BSND: variants seen among roughly 807,000 people sequenced by gnomAD.
BSND encodes barttin.
BSND carries 13 observed loss-of-function variants against 18.8 expected under a neutral mutation model. The observed-to-expected ratio is 0.69, with a 90% confidence interval of 0.45 to 1.10. The LOEUF is 1.10. Ranked by LOEUF, BSND falls within the 50% of genes least tolerant of loss-of-function variation. The pLI, the probability that BSND is intolerant of heterozygous loss-of-function variation, is 0.00. For synonymous variants in BSND, 170 were observed against 161.8 expected (o/e 1.05, Z -0.39); for missense variants, 379 against 416.7 (o/e 0.91, Z 0.79).
chr1:55,007,284 GA>G lies in BSND; in HGVS notation c.548+13del. The G allele has an allele frequency of 6.3e-7, 1 of 1,588,406 alleles. No individual in the cohort carries two copies. Among genetic ancestry groups the G allele is most frequent in the South Asian group, 1.1e-5 (1 of 87,460 alleles). ...CAGAGCTGGCCCGGGTGAGTGCTTA[GA>G]GGGCAGGAGTGGGGCTTCTGCCCAG... On this transcript the variant is annotated intron_variant, in intron 3 of 3. Transcript: ENST00000651561.
intron 1 of BSND, among the ~76,000 whole-genome samples, chr1:54,999,620 G>A (rs1644351500): frequency 6.6e-6 from 1 of 152,182 alleles, no homozygotes; most frequent in South Asian, 2.1e-4. Flanking sequence ...GGAAGCTATG[G>A]TATAGACACA....
chr1:55,010,653 C>A lies in BSND; in HGVS notation c.*2025C>A, dbSNP rs1644417915. 6.6e-6 allele frequency: 1 copy of A among 152,292 alleles called. No homozygotes were observed. Among genetic ancestry groups the A allele is most frequent in the Non-Finnish European group, 1.5e-5 (1 of 68,128 alleles). The allele number at this position is 152,292 out of a possible 1,614,324, so 9.4% of individuals were successfully genotyped here. A position where few individuals can be genotyped will look rare whatever the true frequency, so the allele number is the denominator to read the frequency against. ...ACAAGGTCATGGCCCTGGGAACACACTTCCTTTTCTTTCTGGGTCATTTCT... is the reference window on the plus strand; with the variant it reads ...ACAAGGTCATGGCCCTGGGAACACAATTCCTTTTCTTTCTGGGTCATTTCT... On this transcript the variant is annotated 3_prime_UTR_variant, in exon 4 of 4. Coordinates refer to ENST00000651561, the MANE Select transcript of BSND (RefSeq NM_057176.3).
intron 3 of BSND, among the ~76,000 whole-genome samples, chr1:55,007,605 G>A (rs1232750986): frequency 6.6e-6 from 1 of 152,174 alleles, no homozygotes; most frequent in Non-Finnish European, 1.5e-5. Context: ...GCATACAGTA[G>A]GCCCTTGATG....
rs1644429728 is a variant in BSND at position 55,012,920 on chromosome 1, T to C, written c.*4292T>C. Among the ~76,000 whole-genome samples, 1 of 152,174 alleles carries C rather than the reference T, an allele frequency of 6.6e-6. No homozygotes were observed. The highest frequency in any genetic ancestry group is 1.5e-5 in the Non-Finnish European group (1 of 68,052). On this transcript the variant is annotated 3_prime_UTR_variant, in exon 4 of 4. Transcript: ENST00000651561. ...AACAGGGTTCCAGGCAGCTGCTGAG[T>C]GTCAGGTGCTTCCCATAAATCATTT...
chr1:55,007,302 T>C (rs763459351), intron 3 of BSND, 30 bp downstream of exon 3: 3 of 1,492,846 alleles, frequency 2.0e-6, no homozygotes, highest in East Asian at 5.6e-5. Context: ...GAGTGGGGCT[T>C]CTGCCCAGTT....
chr1:54,999,424 T>A lies in BSND; in HGVS notation c.177+61T>A, dbSNP rs1644350424. The A allele has an allele frequency of 2.0e-6, 3 of 1,522,760 alleles. No individual in the cohort carries two copies. In the Admixed American group the frequency reaches 5.6e-5, roughly 29 times the overall value. The allele number at this position is 1,522,760 out of a possible 1,614,324, so 94.3% of individuals were successfully genotyped here. ...CTGGGGCCAGGAGGGCTGGACACTG[T>A]GCCTGTATGCCATGCCTCACCCCCT... is the stretch of plus-strand genomic sequence containing the variant. On this transcript the variant is annotated intron_variant, in intron 1 of 3. Coordinates refer to ENST00000651561, the MANE Select transcript of BSND (RefSeq NM_057176.3).
At chr1:55,008,066 C>G (rs1370243457) in intron 3 of BSND, 148 bp from the exon 4 acceptor site, 2 of 684,890 alleles carry the variant, frequency 2.9e-6, no homozygotes, top group Non-Finnish European at 2.5e-6. Context: ...TAAGAAAGAA[C>G]TGCAGGAGTG....
chr1:55,000,744 CTG>C (rs1644357570), intron 1 of BSND, among the ~76,000 whole-genome samples: 1 of 152,244 alleles, frequency 6.6e-6, no homozygotes, highest in Non-Finnish European at 1.5e-5. Flanking sequence ...TTGCCTCTGT[CTG>C]TGCAATTCCT....
intron 1 of BSND, among the ~76,000 whole-genome samples, chr1:55,003,051 A>G (rs1437998654): frequency 1.4e-4 from 1 of 6,914 alleles, no homozygotes; most frequent in Non-Finnish European, 3.0e-4. Context: ...AGTGATGATG[A>G]TGGTGACGGT....
chr1:55,008,680 G>T lies in BSND; in HGVS notation c.*52G>T, dbSNP rs2100210081. On this transcript the variant is annotated 3_prime_UTR_variant, in exon 4 of 4. Coordinates refer to ENST00000651561, the MANE Select transcript of BSND (RefSeq NM_057176.3). ...CTGGAACTGCTGCTGACCCCTGTGTGACATCACAGGGCCTCAGTTTCCCTA... is the reference window on the plus strand; with the variant it reads ...CTGGAACTGCTGCTGACCCCTGTGTTACATCACAGGGCCTCAGTTTCCCTA... 6.2e-7 allele frequency: 1 copy of T among 1,612,764 alleles called. No homozygotes were observed. The highest frequency in any genetic ancestry group is 1.1e-5 in the South Asian group (1 of 90,996).
At position 55,005,031 on chromosome 1, in the gene BSND, G is replaced by A. The variant is rs761711473; in HGVS notation, c.187G>A (p.Val63Ile). ...TCTCCTTTGCTTGCAGATCACCTTC[G>A]TCCCTGCTGACTCTGACTTTCAAGG... ...MCQCYPKITFVPADSDFQGIL... is the reference protein window; with the variant it reads ...MCQCYPKITFIPADSDFQGIL... The change falls in exon 2 of 4, where the codon GTC (valine) becomes ATC (isoleucine). Residue 63 changes from valine to isoleucine, a missense_variant. Transcript: ENST00000651561. 2.9e-5 allele frequency: 47 copies of A among 1,613,994 alleles called. 1 individual carries two copies. Among genetic ancestry groups the A allele is most frequent in the South Asian group, 2.1e-4 (19 of 91,072 alleles).
chr1:55,004,326 G>A (rs918437143), intron 1 of BSND, among the ~76,000 whole-genome samples: 12 of 152,212 alleles, frequency 7.9e-5, no homozygotes, highest in African/African-American at 1.9e-4. Context: ...GGGTAGCCCC[G>A]TTATACAGAG....
intron 1 of BSND, among the ~76,000 whole-genome samples, chr1:55,001,201 CGTGTGT>C (rs36051858): frequency 0.038 from 5,152 of 136,928 alleles, 92 homozygotes; most frequent in East Asian, 0.1. Flanking sequence ...ACAGTGGGAT[CGTGTGT>C]GTGTGTGTGT....
In BSND at chr1:55,008,231, A is replaced by G; in HGVS notation, c.566A>G (p.Gln189Arg). 6.2e-7 allele frequency: 1 copy of G among 1,614,154 alleles called. No homozygotes were observed. The highest frequency in any genetic ancestry group is 8.5e-7 in the Non-Finnish European group (1 of 1,180,014). ...CCCTGCAGCCCCCTGGCCTGTCCCC[A>G]GGGCCCTGCCCCCTTGGCTTCCTTC... is the stretch of plus-strand genomic sequence containing the variant. Reference protein sequence around the residue: ...QSWPGPLACPQGPAPLASFQD... With the variant: ...QSWPGPLACPRGPAPLASFQD... Residue 189 changes from glutamine to arginine, a missense_variant, in exon 4 of 4, where the codon CAG becomes CGG. Coordinates refer to ENST00000651561, the MANE Select transcript of BSND (RefSeq NM_057176.3).
chr1:55,002,691 C>T (rs78043432), intron 1 of BSND, among the ~76,000 whole-genome samples: 1,664 of 152,298 alleles, frequency 0.011, 22 homozygotes, highest in African/African-American at 0.036. Context: ...TTTTAAGATG[C>T]CCCATCCTTT....
In BSND at chr1:55,015,004, G is replaced by A. The variant is rs144390885; in HGVS notation, c.*6376G>A. ...AGTGGTGGAGGACAGGGTCAGAGAGGGAGGCCGCAGCTTGGCCATGGGGCT... is the reference window on the plus strand; with the variant it reads ...AGTGGTGGAGGACAGGGTCAGAGAGAGAGGCCGCAGCTTGGCCATGGGGCT... On this transcript the variant is annotated 3_prime_UTR_variant, in exon 4 of 4. Transcript: ENST00000651561. Among the ~76,000 whole-genome samples the A allele has an allele frequency of 3.3e-5, 5 of 152,268 alleles. No individual in the cohort carries two copies. The highest frequency in any genetic ancestry group is 5.9e-5 in the Non-Finnish European group (4 of 68,028).
intron 2 of BSND, among the ~76,000 whole-genome samples, chr1:55,005,776 C>G (rs1490825945): frequency 6.6e-6 from 1 of 152,170 alleles, no homozygotes; most frequent in Non-Finnish European, 1.5e-5. Flanking sequence ...GTGTTAGGCT[C>G]TTTATACAGC....
At position 55,011,313 on chromosome 1, in the gene BSND, C is replaced by A. The variant is rs201538032; in HGVS notation, c.*2685C>A. 1 of 87,384 alleles carries A rather than the reference C, an allele frequency of 1.1e-5. No individual in the cohort carries two copies. The highest frequency in any genetic ancestry group is 8.7e-5 in the Admixed American group (1 of 11,448). 5.4% of individuals were successfully genotyped at this position (87,384 alleles called of 1,614,324 possible). On this transcript the variant is annotated 3_prime_UTR_variant, in exon 4 of 4. Coordinates refer to ENST00000651561, the MANE Select transcript of BSND (RefSeq NM_057176.3). ...CTGCCTCTGCTAAGTTATTAGGAGG[C>A]CCCTTTCACGCTCGAAGATACCTCA...
rs376771419 is a variant in BSND, at chr1:55,005,133, C to G, written c.272+17C>G. 49 of 1,613,008 alleles carry G rather than the reference C, an allele frequency of 3.0e-5. No individual in the cohort carries two copies. The highest frequency in any genetic ancestry group is 4.0e-5 in the Non-Finnish European group (47 of 1,179,274). ...GATGAAGAGGTAGGTGCCAGGCCCT[C>G]TCGGGAGGGGAGGAGTAAGCCCCAT... On this transcript the variant is annotated intron_variant, in intron 2 of 3. Transcript: ENST00000651561.
Sources: gnomAD v4.1 joint callset for allele counts (sites outside exome capture counted in the v4.1 genomes callset) on GRCh38, gnomAD v4.1.1 for gene constraint, MANE v1.5 for transcripts, NCBI Gene and HGNC (gene_info 2026-07-23, HGNC 2026-07-21) for gene names.